Variants in PAIP1 observed in about 807,000 individuals in gnomAD.
The protein encoded by PAIP1 is poly(A) binding protein interacting protein 1, also known as polyadenylate-binding protein-interacting protein 1.
PAIP1 carries 16 observed loss-of-function variants against 61.3 expected under a neutral mutation model. The observed-to-expected ratio is 0.26, with a 90% CI of 0.18 to 0.40. The LOEUF (loss-of-function observed/expected upper bound fraction) is 0.40. Among genes scored for constraint, PAIP1 ranks in the 10% least tolerant of loss-of-function variants. PAIP1 has a pLI of 1.00. For missense variants in PAIP1, 416 were observed against 600.9 expected (o/e 0.69, Z 3.22); for synonymous variants, 187 against 226.2 (o/e 0.83, Z 1.56).
At chr5:43,530,504 A>G (rs1423724765) in intron 9 of PAIP1, among the ~76,000 whole-genome samples, 5 of 152,246 alleles carry the variant, frequency 3.3e-5, no homozygotes, top group African/African-American at 4.8e-5. Context: ...GAATCAGTAT[A>G]TATTAAGACT....
intron 7 of PAIP1, 135 bp from the exon 8 acceptor site, chr5:43,535,105 T>A: frequency 4.8e-6 from 3 of 624,832 alleles, no homozygotes; most frequent in Non-Finnish European, 8.5e-6. Flanking sequence ...AGACGTTTCC[T>A]ATATGACATA....
In PAIP1 at chr5:43,556,249, T is replaced by TA. The variant is rs1228543353; in HGVS notation, c.266-251_266-250insT. On this transcript the variant is annotated intron_variant, in intron 1 of 10. Coordinates refer to ENST00000306846, the MANE Select transcript of PAIP1 (RefSeq NM_006451.5). ...GCGAGCTTTTTTCCTCTCTGTCGTT[T>TA]TAAAGGGGTCGGTGGAAAAGAGGTG... 17 of 1,281,692 alleles carry TA rather than the reference T, an allele frequency of 1.3e-5. No individual in the cohort carries two copies. The East Asian group carries it at 4.6e-4, about 35-fold the overall frequency. 79.4% of individuals were successfully genotyped at this position (1,281,692 alleles called of 1,614,324 possible).
At chr5:43,553,521 T>C (rs1747944903) in intron 2 of PAIP1, among the ~76,000 whole-genome samples, 1 of 152,194 alleles carries the variant, frequency 6.6e-6, no homozygotes, top group Non-Finnish European at 1.5e-5. Context: ...GATAAGTACT[T>C]GACTATTTGT....
At chr5:43,543,310 C>CAAA (rs11427976) in intron 3 of PAIP1, among the ~76,000 whole-genome samples, 194 bp from the exon 4 acceptor site, 1,080 of 96,008 alleles carry the variant, frequency 0.011, 9 homozygotes, top group Non-Finnish European at 0.016. Flanking sequence ...ACAATAAGTA[C>CAAA]AAAAAAAAAA....
rs1418872395 is a variant in PAIP1 at position 43,550,927 on chromosome 5, A to ACAAATAT, written c.436-3021_436-3015dup. ...AAGAAAGAAAAAAAGATCCAGCCAT[A>ACAAATAT]CAAATATCTAAGGAAAGATATTCTC... On this transcript the variant is annotated intron_variant, in intron 2 of 10. Transcript: ENST00000306846. Among the ~76,000 whole-genome samples, 3 of 151,384 alleles carry ACAAATAT rather than the reference A, an allele frequency of 2.0e-5. No homozygotes were observed. The East Asian group carries it at 5.8e-4, about 29-fold the overall frequency.
intron 9 of PAIP1, among the ~76,000 whole-genome samples, chr5:43,530,659 C>G (rs771408551): frequency 6.6e-6 from 1 of 152,018 alleles, no homozygotes; most frequent in Non-Finnish European, 1.5e-5. Context: ...ATTTTGATAC[C>G]CAATTTTGAC....
intron 10 of PAIP1, among the ~76,000 whole-genome samples, chr5:43,529,212 C>G (rs1746836692): frequency 6.6e-6 from 1 of 150,926 alleles, no homozygotes; most frequent in African/African-American, 2.4e-5. Context: ...CAAGATCTTA[C>G]AGTAAGTTTT....
chr5:43,539,626 C>A (rs903507391), intron 4 of PAIP1, among the ~76,000 whole-genome samples: 1 of 152,160 alleles, frequency 6.6e-6, no homozygotes, highest in Admixed American at 6.5e-5. Context: ...GACTTGTTTT[C>A]TATTTCCAAT....
At chr5:43,543,153 A>T (rs1339460803) in intron 3 of PAIP1, 37 bp from the exon 4 acceptor site, 3 of 1,031,672 alleles carry the variant, frequency 2.9e-6, no homozygotes, top group Non-Finnish European at 4.5e-6. Flanking sequence ...TGACATAGGT[A>T]CATCATTATT....
At chr5:43,557,380 C>G (rs1256146147), upstream of PAIP1, 1 of 152,688 alleles carries the variant, frequency 6.5e-6, no homozygotes, top group African/African-American at 2.4e-5. Flanking sequence ...TCAGGAGAGA[C>G]GTGCGAGACC....
At chr5:43,534,719 G>A (rs1747075629) in intron 8 of PAIP1, 134 bp downstream of exon 8, 1 of 617,826 alleles carries the variant, frequency 1.6e-6, no homozygotes, top group South Asian at 2.0e-5. Flanking sequence ...CAGTCTGATG[G>A]CTGCCATGTC....
rs955226708 is a variant in PAIP1 at position 43,555,990 on chromosome 5, C to T, written c.275G>A (p.Arg92Lys). The T allele has an allele frequency of 6.2e-7, 1 of 1,610,020 alleles. No homozygotes were observed. The highest frequency in any genetic ancestry group is 1.3e-5 in the African/African-American group (1 of 74,586). Residue 92 changes from arginine to lysine, a missense_variant, in exon 2 of 11, where the codon AGG (arginine) becomes AAG (lysine). By Grantham distance (26) the Arg-to-Lys change is conservative. This residue lies in a region of PAIP1 where 180 missense variants were observed against 211.2 expected (regional missense o/e 0.85). Transcript: ENST00000306846. Reference protein sequence around the residue: ...SRPGALPEQTRPLRAPPSSQD... With the variant: ...SRPGALPEQTKPLRAPPSSQD... ...TGAACTAGGTGGAGCTCTCAGGGGCCTCGTTTGCTCTGCAAAAGAAAAAAA... is the reference window on the plus strand; with the variant it reads ...TGAACTAGGTGGAGCTCTCAGGGGCTTCGTTTGCTCTGCAAAAGAAAAAAA...
chr5:43,528,826 T>C (rs1457412326), intron 10 of PAIP1, among the ~76,000 whole-genome samples: 3 of 152,090 alleles, frequency 2.0e-5, no homozygotes, highest in African/African-American at 7.2e-5. Flanking sequence ...TGTCCAAATA[T>C]ACACAAGTTG....
chr5:43,535,370 A>G (rs1579910048), intron 7 of PAIP1, among the ~76,000 whole-genome samples, 164 bp downstream of exon 7: 1 of 152,244 alleles, frequency 6.6e-6, no homozygotes, highest in Non-Finnish European at 1.5e-5. Context: ...ATGTCTAGTG[A>G]GCAGAAACTA....
chr5:43,527,587 A>G, intron 10 of PAIP1, 118 bp from the exon 11 acceptor site: 5 of 796,460 alleles, frequency 6.3e-6, no homozygotes, highest in Non-Finnish European at 9.2e-6. Flanking sequence ...ATAGAACACA[A>G]GCCTAACTTT....
rs775521136 is a variant in PAIP1, at chr5:43,529,786, G to C, written c.1346C>G (p.Pro449Arg). The change falls in exon 10 of 11, where the codon CCA becomes CGA. Residue 449 changes from proline to arginine, a missense_variant and splice_region_variant. Physicochemically the swap from Pro to Arg is moderately radical, Grantham distance 103. Transcript: ENST00000306846. ...NGTDLSGAGD[P>R]YLDDIDDEMD... ...AAGTTAGTAACTGAAGAAAACTTACGGATCACCAGCCCCGGATAAATCTGT... is the reference window on the plus strand; with the variant it reads ...AAGTTAGTAACTGAAGAAAACTTACCGATCACCAGCCCCGGATAAATCTGT... The C allele has an allele frequency of 1.3e-6, 2 of 1,508,214 alleles. No individual in the cohort carries two copies. Among genetic ancestry groups the C allele is most frequent in the Non-Finnish European group, 1.8e-6 (2 of 1,084,146 alleles). 93.4% of individuals were successfully genotyped at this position (1,508,214 alleles called of 1,614,324 possible). A position where few individuals can be genotyped will look rare whatever the true frequency, so the allele number is the denominator to read the frequency against.
intron 3 of PAIP1, among the ~76,000 whole-genome samples, chr5:43,546,864 G>A (rs576587835): frequency 2.0e-5 from 3 of 151,916 alleles, no homozygotes; most frequent in African/African-American, 7.2e-5. Context: ...TCAACACGGT[G>A]GAACCCTGTC....
At chr5:43,556,371 T>C in intron 1 of PAIP1, 1 of 1,229,538 alleles carries the variant, frequency 8.1e-7, no homozygotes. Context: ...ACCCGGCCCC[T>C]CCCCCCAGCC....
At chr5:43,543,549 T>C (rs10059912) in intron 3 of PAIP1, among the ~76,000 whole-genome samples, 73,883 of 151,962 alleles carry the variant, frequency 0.49, 18,818 homozygotes, top group Middle Eastern at 0.63. Flanking sequence ...GGCATTTTGC[T>C]TCATGACTTT....
Sources: allele counts gnomAD v4.1 joint callset (sites outside exome capture counted in the v4.1 genomes callset), GRCh38; gene constraint gnomAD v4.1.1; regional missense constraint gnomAD v4.1.1; transcripts MANE v1.5; gene names NCBI Gene and HGNC (gene_info 2026-07-23, HGNC 2026-07-21).